PEG3: variants seen among roughly 807,000 people sequenced by gnomAD.
The protein encoded by PEG3 is paternally-expressed gene 3 protein.
Under a neutral mutation model 35.5 loss-of-function variants are expected in PEG3, and 23 were observed. The observed-to-expected ratio is 0.65, with a 90% CI of 0.47 to 0.92. PEG3 has a LOEUF of 0.92. Ranked by LOEUF, PEG3 falls within the 40% of genes least tolerant of loss-of-function variation. PEG3 has a pLI of 0.00. For missense variants in PEG3, 1,960 were observed against 1,985.3 expected, an observed-to-expected ratio of 0.99 and a Z score of 0.24; for synonymous variants, 707 against 697.0, an observed-to-expected ratio of 1.01 and a Z score of -0.23.
In PEG3 at chr19:56,813,384, C is replaced by CTACAGTATATT; in HGVS notation, c.*290_*291insAATATACTGTA. 1 of 1,192,048 alleles carries CTACAGTATATT rather than the reference C, an allele frequency of 8.4e-7. No individual in the cohort carries two copies. The highest frequency in any genetic ancestry group is 4.0e-5 in the East Asian group (1 of 24,740). 73.8% of individuals were successfully genotyped at this position (1,192,048 alleles called of 1,614,324 possible). A position where few individuals can be genotyped will look rare whatever the true frequency, so the allele number is the denominator to read the frequency against. ...GTCATTTACAGTTGATTTGGGCAAA[C>CTACAGTATATT]TCTGTAGTCTGGAATACTCATAGGG... On this transcript the variant is annotated 3_prime_UTR_variant, in exon 10 of 10. Transcript: ENST00000326441.
At chr19:56,825,510 C>T (rs1043568262) in intron 3 of PEG3, among the ~76,000 whole-genome samples, 1 of 152,140 alleles carries the variant, frequency 6.6e-6, no homozygotes, top group African/African-American at 2.4e-5. Flanking sequence ...TTATCTGCCC[C>T]CTTCCATTTT....
rs2059617705 is a variant in PEG3, at chr19:56,812,699, G to C, written c.*976C>G. 1.0e-6 allele frequency: 1 copy of C among 984,664 alleles called. No homozygotes were observed. The allele number at this position is 984,664 out of a possible 1,614,324, so 61.0% of individuals were successfully genotyped here. On this transcript the variant is annotated 3_prime_UTR_variant, in exon 10 of 10. Coordinates refer to ENST00000326441, the MANE Select transcript of PEG3 (RefSeq NM_006210.3). ...CTCCTACGGTTCTCAACCTTCATTA[G>C]GCACTACTGTGATCTAGTGATGGTT...
chr19:56,817,926 A>G (rs2060130740), intron 8 of PEG3, 91 bp from the exon 9 acceptor site: 1 of 1,008,610 alleles, frequency 9.9e-7, no homozygotes, highest in Admixed American at 2.0e-5. Context: ...TCACTGAGCC[A>G]CTAAATATGA....
chr19:56,824,231 C>A, intron 4 of PEG3, 31 bp downstream of exon 4: 1 of 1,605,192 alleles, frequency 6.2e-7, no homozygotes, highest in Admixed American at 1.7e-5. Context: ...GAGGCCTGCA[C>A]TGACCACCAA....
At chr19:56,823,517 A>T (rs1007876482) in intron 5 of PEG3, 76 bp downstream of exon 5, 1 of 1,582,196 alleles carries the variant, frequency 6.3e-7, no homozygotes, top group African/African-American at 1.3e-5. Flanking sequence ...TGGAGGCCCC[A>T]ACCCACTGTG....
chr19:56,831,729 A>C (rs954133684), intron 2 of PEG3, among the ~76,000 whole-genome samples: 1 of 152,286 alleles, frequency 6.6e-6, no homozygotes, highest in South Asian at 2.1e-4. Flanking sequence ...GATTATAAAA[A>C]TAAAACACAG....
chr19:56,822,735 A>G lies in PEG3; in HGVS notation c.565+18T>C, dbSNP rs1453625037. On this transcript the variant is annotated intron_variant, in intron 6 of 9. Coordinates refer to ENST00000326441, the MANE Select transcript of PEG3 (RefSeq NM_006210.3). Reference sequence around the variant, plus strand: ...TGCTCTATATCTCCTACTGGGAAAGAAAGTGGTTAAGACTCACTGCTTCTT... The same window carrying G: ...TGCTCTATATCTCCTACTGGGAAAGGAAGTGGTTAAGACTCACTGCTTCTT... 6.2e-7 allele frequency: 1 copy of G among 1,613,654 alleles called. No individual in the cohort carries two copies. The highest frequency in any genetic ancestry group is 2.2e-5 in the East Asian group (1 of 44,876).
rs750703800 is a variant in PEG3, at chr19:56,816,240, A to T, written c.2202T>A (p.Ser734Arg). ...HSGPFTESQK[S>R]HTITRPLESD... ...TTTCAAGAGGTCTTGTTATAGTATG[A>T]CTCTTCTGAGATTCAGTGAATGGCC... Residue 734 changes from serine (S) to arginine (R), a missense_variant, in exon 10 of 10, where the codon AGT becomes AGA. Ser to Arg is a moderately radical substitution (Grantham distance 110). This residue lies in a region of PEG3 where 798 missense variants were observed against 782.4 expected (regional missense o/e 1.02). Coordinates refer to ENST00000326441, the MANE Select transcript of PEG3 (RefSeq NM_006210.3). 21 of 1,613,956 alleles carry T rather than the reference A, an allele frequency of 1.3e-5. No individual in the cohort carries two copies. The highest frequency in any genetic ancestry group is 1.7e-5 in the Non-Finnish European group (20 of 1,179,944).
chr19:56,830,044 C>G (rs762938823), intron 2 of PEG3, among the ~76,000 whole-genome samples: 5 of 152,128 alleles, frequency 3.3e-5, no homozygotes, highest in Non-Finnish European at 7.4e-5. Flanking sequence ...ATGGCCTAAA[C>G]GGGCCATCAA....
chr19:56,821,989 G>C (rs531795791), intron 6 of PEG3, among the ~76,000 whole-genome samples: 1 of 152,122 alleles, frequency 6.6e-6, no homozygotes, highest in African/African-American at 2.4e-5. Context: ...TCCCAGTCTC[G>C]GAGGTGGTTC....
chr19:56,813,626 G>T lies in PEG3; in HGVS notation c.*49C>A, dbSNP rs1001644049. 2.4e-5 allele frequency: 37 copies of T among 1,559,076 alleles called. No individual in the cohort carries two copies. The highest frequency in any genetic ancestry group is 3.2e-5 in the Non-Finnish European group (37 of 1,150,266). On this transcript the variant is annotated 3_prime_UTR_variant, in exon 10 of 10. Transcript: ENST00000326441. The stretch of plus-strand genomic sequence containing the variant: ...ATTGGTTTGGATTCTCTGTGGTTTG[G>T]TAAGGGTCAAGTCCTAGGTGAAGGT...
chr19:56,827,387 T>C (rs1314180670), intron 2 of PEG3, among the ~76,000 whole-genome samples: 2 of 151,668 alleles, frequency 1.3e-5, no homozygotes, highest in Non-Finnish European at 2.9e-5. Flanking sequence ...CATTGAAAAA[T>C]GGAAGTTATT....
At chr19:56,821,557 A>AG (rs1315929565) in intron 7 of PEG3, 94 bp downstream of exon 7, 5 of 1,474,660 alleles carry the variant, frequency 3.4e-6, no homozygotes, top group Non-Finnish European at 4.7e-6. Flanking sequence ...GCTGGACTCT[A>AG]GGGGGCAGAT....
In PEG3 at chr19:56,814,500, G is replaced by C; in HGVS notation, c.3942C>G (p.Ser1314=). The part of the protein sequence containing the change: ...HKNEPYEYGS[S]YTHTSFLTEP... ...CAGTAAGAAATGAGGTGTGAGTATA[G>C]GAGGACCCGTACTCATAGGGCTCAT... Residue 1314 remains serine (S), a synonymous_variant, in exon 10 of 10, where the codon TCC becomes TCG. Transcript: ENST00000326441. The surrounding 1 kb of genome is among the most constrained non-coding windows in gnomAD (Gnocchi z 5.8). 1 of 1,613,970 alleles carries C rather than the reference G, an allele frequency of 6.2e-7. No homozygotes were observed. Among genetic ancestry groups the C allele is most frequent in the East Asian group, 2.2e-5 (1 of 44,876 alleles).
chr19:56,813,839 G>T lies in PEG3; in HGVS notation c.4603C>A (p.Pro1535Thr). The change falls in exon 10 of 10, where the codon CCT (proline) becomes ACT (threonine). Residue 1535 changes from proline to threonine, a missense_variant. By Grantham distance (38) the Pro-to-Thr change is conservative. Transcript: ENST00000326441. ...GAGCACTCCCCAAAGGCATTTGCAG[G>T]CTCAAATATGATCATGCTGGCATGA... is the stretch of plus-strand genomic sequence containing the variant. ...KTHASMIIFE[P>T]ANAFGECSGY... 8 of 1,614,168 alleles carry T rather than the reference G, an allele frequency of 5.0e-6. No individual in the cohort carries two copies. The highest frequency in any genetic ancestry group is 6.8e-6 in the Non-Finnish European group (8 of 1,180,038).
In PEG3 at chr19:56,814,323, T is replaced by C. The variant is rs2059773911; in HGVS notation, c.4119A>G (p.Glu1373=). 1 of 1,614,140 alleles carries C rather than the reference T, an allele frequency of 6.2e-7. No homozygotes were observed. Among genetic ancestry groups the C allele is most frequent in the Non-Finnish European group, 8.5e-7 (1 of 1,180,020 alleles). ...GTGGAACATGGACATTGGCTTCAACTTCCTGGGCTGCTGCTGCTGCAGCTG... is the reference window on the plus strand; with the variant it reads ...GTGGAACATGGACATTGGCTTCAACCTCCTGGGCTGCTGCTGCTGCAGCTG... ...AAAAAAAAAQ[E]VEANVHVPQV... is the part of the protein sequence containing the mutation. Residue 1373 remains glutamate (E), a synonymous_variant, in exon 10 of 10, where the codon GAA becomes GAG. Transcript: ENST00000326441. This position sits in a 1 kb window ranked among gnomAD's most constrained non-coding sequence, Gnocchi z 5.8.
intron 4 of PEG3, 117 bp from the exon 5 acceptor site, chr19:56,823,796 C>T: frequency 8.1e-7 from 1 of 1,232,356 alleles, no homozygotes; most frequent in East Asian, 2.4e-5. Flanking sequence ...ATGACCTGAT[C>T]CTGACATTTC....
At position 56,821,744 on chromosome 19, in the gene PEG3, C is replaced by T. The variant is rs550751491; in HGVS notation, c.576G>A (p.Pro192=). ...CCACCACAGGAAGGGAAAGATCCCG[C>T]GGAGGCATCCCTGGGAAGAAAAAAG... ...HTRNPRSRMP[P]RDLSLPVVAK... Residue 192 remains proline, a synonymous_variant, in exon 7 of 10, where the codon CCG becomes CCA. Transcript: ENST00000326441. 181 of 1,613,908 alleles carry T rather than the reference C, an allele frequency of 1.1e-4. 1 individual carries two copies. The East Asian group carries it at 1.4e-3, about 12-fold the overall frequency.
chr19:56,815,498 A>G lies in PEG3; in HGVS notation c.2944T>C (p.Ser982Pro). ...ATCTTCTGGTGCTCAGTGAGGTCAG[A>G]GCTATGAGCAAAGCACTCCCCACAC... ...QECGECFAHSSDLTEHQKIHD... is the reference protein window; with the variant it reads ...QECGECFAHSPDLTEHQKIHD... Residue 982 changes from serine to proline, a missense_variant, in exon 10 of 10, where the codon TCT becomes CCT. Around this residue, in one of 5 missense-constraint regions of PEG3, gnomAD observed 798 missense variants for 782.4 expected, o/e 1.02. Transcript: ENST00000326441. The G allele has an allele frequency of 6.2e-7, 1 of 1,614,110 alleles. No individual in the cohort carries two copies. The highest frequency in any genetic ancestry group is 8.5e-7 in the Non-Finnish European group (1 of 1,180,008).
Sources: allele counts gnomAD v4.1 joint callset (sites outside exome capture counted in the v4.1 genomes callset), GRCh38; gene constraint gnomAD v4.1.1; regional missense constraint gnomAD v4.1.1; non-coding constraint Gnocchi (gnomAD v3.1); transcripts MANE v1.5; gene names NCBI Gene and HGNC (gene_info 2026-07-23, HGNC 2026-07-21).